KATNBL1: variants seen among roughly 807,000 people sequenced by gnomAD.
KATNBL1 encodes KATNB1-like protein 1.
In KATNBL1, 28 loss-of-function variants were observed where a neutral mutation model predicts 44.7. That is an observed-to-expected ratio of 0.63 (90% CI 0.46 to 0.86). The LOEUF is 0.86. Among genes scored for constraint, KATNBL1 ranks in the 40% least tolerant of loss-of-function variants. KATNBL1 has a pLI of 0.00. For missense variants in KATNBL1, 272 were observed against 350.7 expected (o/e 0.78, Z 1.79); for synonymous variants, 78 against 114.9 (o/e 0.68, Z 2.06).
rs549355230 is a variant in KATNBL1, at chr15:34,185,846, G to A, written c.-14-22156C>T. 1.3e-3 allele frequency among the ~76,000 whole-genome samples: 193 copies of A among 152,242 alleles called. 1 individual carries two copies. Among genetic ancestry groups the A allele is most frequent in the African/African-American group, 4.3e-3 (179 of 41,546 alleles). ...AAGAGTTGGTCAACAGGAAGCAGGC[G>A]GCCACTTGGGCAATCATGACAGATA... On this transcript the variant is annotated intron_variant, in intron 1 of 9. Coordinates refer to ENST00000256544, the MANE Select transcript of KATNBL1 (RefSeq NM_024713.3).
At position 34,142,235 on chromosome 15, in the gene KATNBL1, T is replaced by A; in HGVS notation, c.*104A>T. On this transcript the variant is annotated 3_prime_UTR_variant, in exon 10 of 10. Coordinates refer to ENST00000256544, the MANE Select transcript of KATNBL1 (RefSeq NM_024713.3). ...TTTTAAAAGAAAAAATAGTTTTGAT[T>A]TCTTCCACAGTTCACAGTTCTCAGA... The A allele has an allele frequency of 1.7e-6, 2 of 1,166,426 alleles. No homozygotes were observed. The highest frequency in any genetic ancestry group is 2.3e-6 in the Non-Finnish European group (2 of 875,058). 72.3% of individuals were successfully genotyped at this position (1,166,426 alleles called of 1,614,324 possible). A position where few individuals can be genotyped will look rare whatever the true frequency, so the allele number is the denominator to read the frequency against.
chr15:34,180,946 AT>A (rs1473943860), intron 1 of KATNBL1, among the ~76,000 whole-genome samples: 2 of 152,118 alleles, frequency 1.3e-5, no homozygotes, highest in Non-Finnish European at 2.9e-5. Flanking sequence ...CCTTCAAAAT[AT>A]TTCACAGATC....
chr15:34,181,748 CCATATATATATCCATATATATACA>C (rs1889555636), intron 1 of KATNBL1, among the ~76,000 whole-genome samples: 2 of 120,758 alleles, frequency 1.7e-5, no homozygotes, highest in African/African-American at 6.4e-5. Flanking sequence ...ATATATATGT[CCATATATATATCCATATATATACA>C]CATATATATG....
At chr15:34,150,793 G>T (rs192763550) in intron 4 of KATNBL1, among the ~76,000 whole-genome samples, 26 of 152,226 alleles carry the variant, frequency 1.7e-4, no homozygotes, top group African/African-American at 6.0e-4. Flanking sequence ...CATGTCTGTT[G>T]TTCCCATCTT....
At chr15:34,144,631 C>T (rs1367648241) in intron 9 of KATNBL1, among the ~76,000 whole-genome samples, 3 of 151,290 alleles carry the variant, frequency 2.0e-5, no homozygotes, top group Admixed American at 6.6e-5. Flanking sequence ...AGTGCAATGG[C>T]ACGATCTCAG....
intron 1 of KATNBL1, among the ~76,000 whole-genome samples, chr15:34,203,148 C>T (rs1470603808): frequency 6.6e-6 from 1 of 152,070 alleles, no homozygotes; most frequent in African/African-American, 2.4e-5. Flanking sequence ...TAATATCCCC[C>T]CTCTCAAATC....
At chr15:34,165,261 G>A (rs1375118000) in intron 1 of KATNBL1, among the ~76,000 whole-genome samples, 1 of 152,132 alleles carries the variant, frequency 6.6e-6, no homozygotes, top group East Asian at 1.9e-4. Flanking sequence ...ACTTAAATGA[G>A]GCTAGAGATA....
chr15:34,177,162 A>C (rs1284842149), intron 1 of KATNBL1, among the ~76,000 whole-genome samples: 2 of 152,250 alleles, frequency 1.3e-5, no homozygotes, highest in African/African-American at 2.4e-5. Flanking sequence ...GATATAGTGC[A>C]TATTTTCTTA....
intron 1 of KATNBL1, among the ~76,000 whole-genome samples, chr15:34,183,492 C>T (rs1889624578): frequency 1.3e-5 from 2 of 152,170 alleles, no homozygotes; most frequent in South Asian, 4.1e-4. Flanking sequence ...TTCAAATTCC[C>T]AGCTTTCCCA....
At chr15:34,194,468 T>C (rs909978118) in intron 1 of KATNBL1, among the ~76,000 whole-genome samples, 2 of 151,996 alleles carry the variant, frequency 1.3e-5, no homozygotes, top group African/African-American at 4.8e-5. Flanking sequence ...AAAAAAACTT[T>C]AAAAATTACA....
chr15:34,190,408 C>T (rs1477690617), intron 1 of KATNBL1, among the ~76,000 whole-genome samples: 1 of 152,086 alleles, frequency 6.6e-6, no homozygotes, highest in Non-Finnish European at 1.5e-5. Context: ...ATGAAGCATC[C>T]CAGAATACAC....
chr15:34,180,852 CAGGAGTTCGATACCAGCCT>C (rs1373050318), intron 1 of KATNBL1, among the ~76,000 whole-genome samples: 5 of 151,970 alleles, frequency 3.3e-5, no homozygotes, highest in Non-Finnish European at 5.9e-5. Flanking sequence ...CACTTGAGCC[CAGGAGTTCGATACCAGCCT>C]AGGCAACATA....
At chr15:34,172,093 G>T (rs1054836800) in intron 1 of KATNBL1, among the ~76,000 whole-genome samples, 1 of 151,658 alleles carries the variant, frequency 6.6e-6, no homozygotes, top group African/African-American at 2.4e-5. Flanking sequence ...AATAAATAAA[G>T]AAATAAAAGA....
intron 1 of KATNBL1, among the ~76,000 whole-genome samples, chr15:34,201,810 A>G (rs1228300739): frequency 6.6e-6 from 1 of 152,192 alleles, no homozygotes; most frequent in African/African-American, 2.4e-5. Flanking sequence ...GCATCTGTGG[A>G]TTCAATCAAT....
At chr15:34,157,576 G>C (rs368975070) in intron 2 of KATNBL1, among the ~76,000 whole-genome samples, 1 of 152,092 alleles carries the variant, frequency 6.6e-6, no homozygotes, top group Non-Finnish European at 1.5e-5. Flanking sequence ...CTTTTGTTTC[G>C]AACATGGGAA....
intron 1 of KATNBL1, among the ~76,000 whole-genome samples, chr15:34,202,194 T>C (rs372642041): frequency 2.0e-5 from 3 of 152,334 alleles, no homozygotes; most frequent in African/African-American, 4.8e-5. Flanking sequence ...TCAAAACCAA[T>C]AGACTCTCTA....
At chr15:34,149,781 C>A (rs4581678) in intron 4 of KATNBL1, among the ~76,000 whole-genome samples, 17,101 of 152,264 alleles carry the variant, frequency 0.11, 1,148 homozygotes, top group Non-Finnish European at 0.15. Flanking sequence ...TGCCTACAGT[C>A]CCAGCTACTT....
intron 1 of KATNBL1, among the ~76,000 whole-genome samples, chr15:34,194,464 A>C (rs984240693): frequency 1.3e-5 from 2 of 152,036 alleles, no homozygotes; most frequent in Non-Finnish European, 2.9e-5. Flanking sequence ...AGAAAAAAAA[A>C]CTTTAAAAAT....
At chr15:34,150,879 G>T (rs757262509) in intron 4 of KATNBL1, among the ~76,000 whole-genome samples, 1 of 152,142 alleles carries the variant, frequency 6.6e-6, no homozygotes, top group South Asian at 2.1e-4. Flanking sequence ...TTCTGTTCCT[G>T]TATTAGTTCG....
Sources: gnomAD v4.1 joint callset for allele counts (sites outside exome capture counted in the v4.1 genomes callset) on GRCh38, gnomAD v4.1.1 for gene constraint, MANE v1.5 for transcripts, NCBI Gene and HGNC (gene_info 2026-07-23, HGNC 2026-07-21) for gene names.